Variants in SPPL3 observed in about 807,000 individuals in gnomAD.
SPPL3 encodes the protein signal peptide peptidase-like 3.
Under a neutral mutation model 42.4 loss-of-function variants are expected in SPPL3, and 5 were observed. The ratio of observed to expected loss-of-function variants is 0.12; its 90% CI spans 0.06 to 0.25. The LOEUF (loss-of-function observed/expected upper bound fraction) is 0.25. Ranked by LOEUF, SPPL3 falls within the 10% of genes least tolerant of loss-of-function variation. SPPL3 has a pLI of 1.00. For synonymous variants in SPPL3, 195 were observed against 181.8 expected (o/e 1.07, Z -0.58); for missense variants, 235 against 489.0 (o/e 0.48, Z 4.90).
At position 120,766,389 on chromosome 12, in the gene SPPL3, G is replaced by A. The variant is rs755397827; in HGVS notation, c.974-17C>T. ...TGAGCAGGCCTGTGAGGAGAGAGAGGCATCTGTGAGACACGAGAGGGAACC... is the reference window on the plus strand; with the variant it reads ...TGAGCAGGCCTGTGAGGAGAGAGAGACATCTGTGAGACACGAGAGGGAACC... On this transcript the variant is annotated splice_polypyrimidine_tract_variant and intron_variant, in intron 9 of 10. Coordinates refer to ENST00000353487, the MANE Select transcript of SPPL3 (RefSeq NM_139015.5). The A allele has an allele frequency of 1.9e-6, 3 of 1,559,402 alleles. No homozygotes were observed. Among genetic ancestry groups the A allele is most frequent in the South Asian group, 1.2e-5 (1 of 84,452 alleles).
At chr12:120,768,631 T>C (rs1868993910) in intron 7 of SPPL3, 143 bp from the exon 8 acceptor site, 24 of 1,012,374 alleles carry the variant, frequency 2.4e-5, no homozygotes, top group Non-Finnish European at 3.4e-5. Flanking sequence ...AGAAAATCTT[T>C]GCTCTTCCTG....
chr12:120,838,714 A>T (rs1313944442), intron 1 of SPPL3, among the ~76,000 whole-genome samples: 1 of 152,238 alleles, frequency 6.6e-6, no homozygotes, highest in Non-Finnish European at 1.5e-5. Flanking sequence ...GGTATCTAAT[A>T]GTTACCATTC....
Position 120,873,043 on chromosome 12 carries a change from G to A in SPPL3, c.23+30802C>T, listed in dbSNP as rs150341967. Among the ~76,000 whole-genome samples, 4 of 152,286 alleles carry A rather than the reference G, an allele frequency of 2.6e-5. No individual in the cohort carries two copies. The East Asian group carries it at 5.8e-4, about 22-fold the overall frequency. ...TAAATCTACAAATGATAGAAATAAT[G>A]GAATTAGAACACAAGGACGTTAAAA... On this transcript the variant is annotated intron_variant, in intron 1 of 10. Transcript: ENST00000353487.
At chr12:120,884,156 G>T (rs995128132) in intron 1 of SPPL3, among the ~76,000 whole-genome samples, 4 of 151,400 alleles carry the variant, frequency 2.6e-5, no homozygotes, top group African/African-American at 9.7e-5. Flanking sequence ...AAAAGCAAAG[G>T]GATGGTAAAC....
At chr12:120,860,921 A>G (rs1036273704) in intron 1 of SPPL3, among the ~76,000 whole-genome samples, 1 of 152,148 alleles carries the variant, frequency 6.6e-6, no homozygotes, top group Admixed American at 6.5e-5. Context: ...CCAGTCCCTT[A>G]TAAAACAGTG....
intron 1 of SPPL3, among the ~76,000 whole-genome samples, chr12:120,843,478 T>C (rs1242297594): frequency 6.6e-6 from 1 of 152,168 alleles, no homozygotes; most frequent in East Asian, 1.9e-4. Flanking sequence ...CTTCTTGAAA[T>C]TTTCAGCTTT....
At chr12:120,859,994 A>C (rs918263153) in intron 1 of SPPL3, among the ~76,000 whole-genome samples, 2 of 152,192 alleles carry the variant, frequency 1.3e-5, no homozygotes, top group African/African-American at 4.8e-5. Flanking sequence ...TAATCCCAGC[A>C]CTTTGGGAGG....
chr12:120,894,053 G>C (rs1385190119), intron 1 of SPPL3, among the ~76,000 whole-genome samples: 1 of 152,176 alleles, frequency 6.6e-6, no homozygotes, highest in Non-Finnish European at 1.5e-5. Flanking sequence ...GCCGGGTGCA[G>C]TGGGTCACGC....
chr12:120,789,221 ACACTGGAGGAT>A (rs765096133), intron 3 of SPPL3, among the ~76,000 whole-genome samples: 14 of 151,548 alleles, frequency 9.2e-5, no homozygotes, highest in Non-Finnish European at 1.5e-4. Flanking sequence ...TGGGAGGCCA[ACACTGGAGGAT>A]CACTTGAGGT....
At chr12:120,878,952 T>C (rs2137055840) in intron 1 of SPPL3, among the ~76,000 whole-genome samples, 1 of 151,204 alleles carries the variant, frequency 6.6e-6, no homozygotes, top group Middle Eastern at 3.4e-3. Context: ...CGTCTCTACA[T>C]AAAATACAAA....
At chr12:120,823,869 A>G (rs1189781235) in intron 1 of SPPL3, among the ~76,000 whole-genome samples, 1 of 140,796 alleles carries the variant, frequency 7.1e-6, no homozygotes, top group Non-Finnish European at 1.6e-5. Context: ...ACTCTATCAC[A>G]AAGACATTTT....
At chr12:120,835,125 G>A (rs998707231) in intron 1 of SPPL3, among the ~76,000 whole-genome samples, 5 of 152,086 alleles carry the variant, frequency 3.3e-5, no homozygotes, top group African/African-American at 1.2e-4. Context: ...GGAAAACAGG[G>A]ACCCTGTTCC....
chr12:120,890,310 C>T (rs182797727), intron 1 of SPPL3, among the ~76,000 whole-genome samples: 6 of 151,592 alleles, frequency 4.0e-5, no homozygotes, highest in East Asian at 3.9e-4. Flanking sequence ...AAATCCAGGG[C>T]AGGGCACGGT....
At chr12:120,793,000 G>A (rs145120830) in intron 2 of SPPL3, among the ~76,000 whole-genome samples, 94 of 152,278 alleles carry the variant, frequency 6.2e-4, no homozygotes, top group African/African-American at 2.2e-3. Flanking sequence ...CAACCCATAG[G>A]ATGGGAGAAA....
At chr12:120,884,195 CGGGGACA>C (rs1024491314) in intron 1 of SPPL3, among the ~76,000 whole-genome samples, 1 of 150,886 alleles carries the variant, frequency 6.6e-6, no homozygotes, top group Non-Finnish European at 1.5e-5. Flanking sequence ...TACACCTAAA[CGGGGACA>C]GGGGACAGAG....
At chr12:120,860,284 T>C (rs916475873) in intron 1 of SPPL3, among the ~76,000 whole-genome samples, 1 of 152,166 alleles carries the variant, frequency 6.6e-6, no homozygotes, top group African/African-American at 2.4e-5. Flanking sequence ...AGGGCCTGGC[T>C]CACCAATGGA....
chr12:120,766,091 C>T (rs12822898), intron 10 of SPPL3, among the ~76,000 whole-genome samples, 172 bp downstream of exon 10: 11,384 of 121,860 alleles, frequency 0.093, 638 homozygotes, highest in Non-Finnish European at 0.13. Context: ...GCCAGGGTAG[C>T]GCGCGCGCGC....
At chr12:120,776,361 G>A (rs372155423) in intron 6 of SPPL3, among the ~76,000 whole-genome samples, 1 of 152,234 alleles carries the variant, frequency 6.6e-6, no homozygotes, top group East Asian at 1.9e-4. Flanking sequence ...CCAATTTTCT[G>A]TCAACTGTAC....
At chr12:120,843,826 C>T (rs527907986) in intron 1 of SPPL3, among the ~76,000 whole-genome samples, 2 of 152,196 alleles carry the variant, frequency 1.3e-5, no homozygotes, top group Admixed American at 1.3e-4. Context: ...GGCATGGTGG[C>T]ACGCGCCTAT....
Sources: allele counts gnomAD v4.1 joint callset (sites outside exome capture counted in the v4.1 genomes callset), GRCh38; gene constraint gnomAD v4.1.1; transcripts MANE v1.5; gene names NCBI Gene and HGNC (gene_info 2026-07-23, HGNC 2026-07-21).